The following DMD variants were observed in gnomAD, a reference collection of about 807,000 sequenced individuals.
The protein encoded by DMD is mutant dystrophin.
A neutral mutation model predicts 330.1 loss-of-function variants in DMD; 63 were observed. The ratio of observed to expected loss-of-function variants is 0.19; its 90% CI spans 0.16 to 0.24. The LOEUF is 0.24. DMD is among the 10% of genes least tolerant of loss of function. The pLI is 1.00. For synonymous variants in DMD, 1,223 were observed against 959.8 expected, an observed-to-expected ratio of 1.27 and a Z score of -5.07; for missense variants, 3,344 against 2,684.1, an observed-to-expected ratio of 1.25 and a Z score of -5.43.
At chrX:33,071,466 A>T (rs966299011) in intron 1 of DMD, among the ~76,000 whole-genome samples, 1 of 109,252 alleles carries the variant, frequency 9.2e-6, no homozygotes, top group African/African-American at 3.3e-5. Flanking sequence ...TCCAGGGCTA[A>T]TTGGAGATTC....
intron 60 of DMD, among the ~76,000 whole-genome samples, chrX:31,407,558 A>G (rs1338853916): frequency 2.2e-5 from 2 of 90,934 alleles, no homozygotes; most frequent in Non-Finnish European, 4.3e-5. Context: ...TGCGAGCTTC[A>G]CCTCCCGGGT....
At chrX:32,901,792 T>TCTATACTACA (rs2086269213) in intron 2 of DMD, among the ~76,000 whole-genome samples, 2 of 110,432 alleles carry the variant, frequency 1.8e-5, no homozygotes, top group Non-Finnish European at 3.8e-5. Context: ...TGTCTGAACA[T>TCTATACTACA]GTGTAAAGCA....
At chrX:31,264,410 CTTTG>C (rs1219459731) in intron 62 of DMD, among the ~76,000 whole-genome samples, 7 of 112,350 alleles carry the variant, frequency 6.2e-5, no homozygotes, top group South Asian at 3.7e-4. Flanking sequence ...ATGGGTACAT[CTTTG>C]TTTGGCCTTT....
At chrX:32,624,908 T>C (rs1233714709) in intron 11 of DMD, among the ~76,000 whole-genome samples, 1 of 112,018 alleles carries the variant, frequency 8.9e-6, no homozygotes, top group Non-Finnish European at 1.9e-5. Context: ...GTGCGATGGC[T>C]CACGCCTGTA....
At chrX:31,758,811 T>A (rs2149168339) in intron 51 of DMD, among the ~76,000 whole-genome samples, 1 of 112,071 alleles carries the variant, frequency 8.9e-6, no homozygotes, top group African/African-American at 3.2e-5. Context: ...TAACGTAAAA[T>A]ACTACTATGA....
At chrX:31,280,473 C>T (rs1035209002) in intron 62 of DMD, among the ~76,000 whole-genome samples, 1 of 111,573 alleles carries the variant, frequency 9.0e-6, no homozygotes, top group African/African-American at 3.3e-5. Context: ...CAAAGGGGCA[C>T]AAGGAGGCTT....
At chrX:32,674,055 T>C (rs1223858508) in intron 9 of DMD, among the ~76,000 whole-genome samples, 1 of 111,949 alleles carries the variant, frequency 8.9e-6, no homozygotes, top group Non-Finnish European at 1.9e-5. Context: ...CCCCAAAATA[T>C]GTCAACTTCA....
At chrX:31,290,906 A>T (rs145501060) in intron 62 of DMD, among the ~76,000 whole-genome samples, 1,290 of 111,351 alleles carry the variant, frequency 0.012, 18 homozygotes, top group African/African-American at 0.04. Context: ...ATTTAAGTCA[A>T]ATCAGTTTTT....
At chrX:31,483,255 C>T (rs1228146135) in intron 57 of DMD, among the ~76,000 whole-genome samples, 3 of 108,663 alleles carry the variant, frequency 2.8e-5, no homozygotes, top group Admixed American at 2.0e-4. Context: ...ACCGTGTTAG[C>T]CAGGATGGTC....
rs1410304028 is a variant in DMD, at chrX:32,390,104, G to T, written c.4311C>A (p.Ala1437=). The change falls in exon 31 of 79, where the codon GCC becomes GCA. Residue 1437 remains alanine (A), a synonymous_variant. Transcript: ENST00000357033. ...CATCAATCTGAGACAGGACTCTTTG[G>T]GCAGCCTCCTTCCCCTGATTATGTT... ...MKKHNQGKEA[A]QRVLSQIDVA... 2 of 1,207,276 alleles carry T rather than the reference G, an allele frequency of 1.7e-6. No individual in the cohort carries two copies. Among genetic ancestry groups the T allele is most frequent in the Non-Finnish European group, 2.2e-6 (2 of 893,015 alleles).
intron 50 of DMD, among the ~76,000 whole-genome samples, chrX:31,806,169 C>T (rs150095697): frequency 0.011 from 1,277 of 112,179 alleles, 22 homozygotes; most frequent in African/African-American, 0.039. Flanking sequence ...CTATACCTCC[C>T]GCTGAAACAG....
chrX:31,689,616 C>T (rs2082963671), intron 52 of DMD, among the ~76,000 whole-genome samples: 2 of 111,488 alleles, frequency 1.8e-5, no homozygotes, highest in East Asian at 5.7e-4. Flanking sequence ...TTGGAAAAAA[C>T]TACTTTAAAG....
intron 43 of DMD, among the ~76,000 whole-genome samples, chrX:32,252,250 T>G (rs934356740): frequency 2.7e-5 from 3 of 110,550 alleles, no homozygotes; most frequent in Non-Finnish European, 3.8e-5. Context: ...CTTTACTGAG[T>G]TGCAGGTCTC....
Position 32,775,895 on chromosome X carries a change from C to A in DMD, c.649+33598G>T, listed in dbSNP as rs1027983452. Among the ~76,000 whole-genome samples, 19 of 112,621 alleles carry A rather than the reference C, an allele frequency of 1.7e-4. No homozygotes were observed. In the Admixed American group the frequency reaches 1.7e-3, roughly 10 times the overall value. ...CCGCATGGACAGGCTGCAAATTTTC[C>A]AAACTTTTATGCTCTGCTTTCCTTT... On this transcript the variant is annotated intron_variant, in intron 7 of 78. Transcript: ENST00000357033.
chrX:31,517,002 C>CT (rs1781033148), intron 55 of DMD, among the ~76,000 whole-genome samples: 1 of 111,306 alleles, frequency 9.0e-6, no homozygotes, highest in Admixed American at 9.6e-5. Context: ...TTAAGATTAC[C>CT]TTTTAAAACT....
At chrX:32,773,516 ATTTTT>A (rs35272633) in intron 7 of DMD, among the ~76,000 whole-genome samples, 1 of 90,297 alleles carries the variant, frequency 1.1e-5, no homozygotes. Flanking sequence ...TATACTTTTT[ATTTTT>A]TTTTTTTTTT....
At chrX:31,471,574 A>G (rs771852442) in intron 59 of DMD, among the ~76,000 whole-genome samples, 1 of 110,400 alleles carries the variant, frequency 9.1e-6, no homozygotes, top group South Asian at 3.9e-4. Flanking sequence ...GGGGCTGCGC[A>G]CCTGAGCTGT....
intron 41 of DMD, among the ~76,000 whole-genome samples, chrX:32,319,589 G>T (rs5972524): frequency 0.024 from 2,647 of 111,144 alleles, 76 homozygotes; most frequent in African/African-American, 0.081. Context: ...AGATTTAAAA[G>T]GTATATCTGA....
chrX:33,008,999 T>C (rs1236958717), intron 2 of DMD, among the ~76,000 whole-genome samples: 29 of 99,705 alleles, frequency 2.9e-4, no homozygotes, highest in African/African-American at 1.0e-3. Context: ...TACGTGTGTA[T>C]ATATACACAC....
Sources: allele counts gnomAD v4.1 joint callset (sites outside exome capture counted in the v4.1 genomes callset), GRCh38; gene constraint gnomAD v4.1.1; transcripts MANE v1.5; gene names NCBI Gene and HGNC (gene_info 2026-07-23, HGNC 2026-07-21).